PCBP3: variants seen among roughly 807,000 people sequenced by gnomAD.
PCBP3 encodes poly(rC) binding protein 3, also known as poly(rC)-binding protein 3.
A neutral mutation model predicts 52.7 loss-of-function variants in PCBP3; 25 were observed. That is an observed-to-expected ratio of 0.47 (90% CI 0.35 to 0.66). The LOEUF (loss-of-function observed/expected upper bound fraction) is 0.66, where lower values mean the gene tolerates loss of function less well. PCBP3 is among the 30% of genes least tolerant of loss of function. The pLI, the probability that PCBP3 is intolerant of heterozygous loss-of-function variation, is 0.01. For missense variants in PCBP3, 391 were observed against 490.3 expected, an observed-to-expected ratio of 0.80 and a Z score of 1.91; for synonymous variants, 162 against 183.0, an observed-to-expected ratio of 0.89 and a Z score of 0.93.
At chr21:45,661,056 A>T (rs1401977921) in intron 1 of PCBP3, among the ~76,000 whole-genome samples, 1 of 152,046 alleles carries the variant, frequency 6.6e-6, no homozygotes, top group African/African-American at 2.4e-5. Flanking sequence ...AAATATATAT[A>T]TATATCTTGT....
chr21:45,684,055 C>CAAAAAAAAAA (rs71334088), intron 2 of PCBP3, among the ~76,000 whole-genome samples: 1 of 78,474 alleles, frequency 1.3e-5, no homozygotes, highest in Non-Finnish European at 2.6e-5. Context: ...CCCATCTCTA[C>CAAAAAAAAAA]AAAAAAAAAA....
At chr21:45,669,530 C>G (rs2081011200) in intron 2 of PCBP3, among the ~76,000 whole-genome samples, 1 of 151,818 alleles carries the variant, frequency 6.6e-6, no homozygotes, top group Non-Finnish European at 1.5e-5. Context: ...CCATCCATCT[C>G]CAATACTCTT....
intron 2 of PCBP3, among the ~76,000 whole-genome samples, chr21:45,706,849 T>G (rs2083480670): frequency 6.6e-6 from 1 of 152,188 alleles, no homozygotes; most frequent in Non-Finnish European, 1.5e-5. Flanking sequence ...GGGACTGACA[T>G]CTAGGAATTA....
intron 9 of PCBP3, among the ~76,000 whole-genome samples, chr21:45,906,535 G>C (rs903177001): frequency 5.3e-5 from 8 of 152,076 alleles, no homozygotes; most frequent in African/African-American, 7.2e-5. Flanking sequence ...GAGAATTTCG[G>C]GTCATGTTTT....
At chr21:45,721,889 CTT>C in intron 2 of PCBP3, among the ~76,000 whole-genome samples, 1 of 152,172 alleles carries the variant, frequency 6.6e-6, no homozygotes, top group East Asian at 1.9e-4. Context: ...ACTGGAGTCA[CTT>C]TGCGTGTCTC....
chr21:45,647,396 G>A (rs541380446), intron 1 of PCBP3, among the ~76,000 whole-genome samples: 6 of 152,316 alleles, frequency 3.9e-5, no homozygotes, highest in Non-Finnish European at 7.3e-5. Flanking sequence ...TCGGATTGAG[G>A]AAGGAACATG....
At chr21:45,726,214 T>A (rs1019546072) in intron 2 of PCBP3, among the ~76,000 whole-genome samples, 2 of 152,056 alleles carry the variant, frequency 1.3e-5, no homozygotes, top group Non-Finnish European at 2.9e-5. Flanking sequence ...AAGGATTTGG[T>A]CTTGGACTTC....
intron 12 of PCBP3, chr21:45,914,367 C>G (rs924676735): frequency 2.0e-6 from 1 of 492,510 alleles, no homozygotes. Flanking sequence ...TTACGTCTCA[C>G]GTTGGAAACA....
At chr21:45,862,752 C>G (rs542231247) in intron 5 of PCBP3, among the ~76,000 whole-genome samples, 4 of 152,314 alleles carry the variant, frequency 2.6e-5, no homozygotes, top group African/African-American at 7.2e-5. Flanking sequence ...AGCCTGTCCC[C>G]GACGAAACCG....
chr21:45,906,990 C>T (rs535247435), intron 9 of PCBP3, among the ~76,000 whole-genome samples: 3 of 152,334 alleles, frequency 2.0e-5, no homozygotes, highest in Admixed American at 2.0e-4. Flanking sequence ...CCGCAGTGGC[C>T]ACCAGGAGGA....
In PCBP3 at chr21:45,788,948, G is replaced by T. The variant is rs1482500066; in HGVS notation, c.-126+33496G>T. 6.6e-6 allele frequency among the ~76,000 whole-genome samples: 1 copy of T among 152,190 alleles called. No individual in the cohort carries two copies. The highest frequency in any genetic ancestry group is 1.5e-5 in the Non-Finnish European group (1 of 68,026). On this transcript the variant is annotated intron_variant, in intron 4 of 17. Transcript: ENST00000681687. This position sits in a 1 kb window ranked among gnomAD's most constrained non-coding sequence, Gnocchi z 4.3. ...GCAATAATTCTAAATGAGGCTGGAA[G>T]AATTGAATTGCTGTCCAGATCCAAC...
intron 1 of PCBP3, among the ~76,000 whole-genome samples, chr21:45,667,263 C>G (rs896588163): frequency 6.6e-6 from 1 of 151,976 alleles, no homozygotes; most frequent in African/African-American, 2.4e-5. Context: ...CCACCTCAGC[C>G]TCCCAAAATG....
At chr21:45,702,676 G>A (rs894783846) in intron 2 of PCBP3, among the ~76,000 whole-genome samples, 5 of 152,188 alleles carry the variant, frequency 3.3e-5, no homozygotes, top group Admixed American at 2.0e-4. Context: ...GTTAATGGCC[G>A]CTGACTGATC....
rs376751077 is a variant in PCBP3 at position 45,659,784 on chromosome 21, A to G, written c.-278-9090A>G. On this transcript the variant is annotated intron_variant, in intron 1 of 17. Coordinates refer to ENST00000681687, the MANE Select transcript of PCBP3 (RefSeq NM_001384156.1). ...AAATTTTTATCTGTTACTGATTTCT[A>G]TTTTTTTCCCTTGTGGTTGGGGAAC... Among the ~76,000 whole-genome samples, 11 of 151,840 alleles carry G rather than the reference A, an allele frequency of 7.2e-5. No individual in the cohort carries two copies. The East Asian group carries it at 1.9e-3, about 27-fold the overall frequency.
chr21:45,738,300 G>A (rs2086045270), intron 3 of PCBP3, among the ~76,000 whole-genome samples: 1 of 150,490 alleles, frequency 6.6e-6, no homozygotes, highest in African/African-American at 2.5e-5. Flanking sequence ...TGTCGCCCAG[G>A]CTGGAGTGCA....
At chr21:45,900,650 C>A in intron 8 of PCBP3, 27 bp downstream of exon 8, 1 of 1,468,030 alleles carries the variant, frequency 6.8e-7, no homozygotes, top group Non-Finnish European at 9.5e-7. Flanking sequence ...CCCACCTGTC[C>A]GCAGCCATTC....
intron 4 of PCBP3, among the ~76,000 whole-genome samples, chr21:45,787,143 A>C (rs1243095651): frequency 2.0e-5 from 3 of 152,258 alleles, no homozygotes; most frequent in Admixed American, 2.0e-4. Context: ...AAATGCTTGA[A>C]AATAGTTTCG....
chr21:45,812,475 G>A (rs1050301378), intron 4 of PCBP3, among the ~76,000 whole-genome samples: 5 of 152,038 alleles, frequency 3.3e-5, no homozygotes, highest in Admixed American at 6.6e-5. Flanking sequence ...GTGCCATCTC[G>A]GCTCACTGTA....
chr21:45,681,329 T>C (rs571033948), intron 2 of PCBP3, among the ~76,000 whole-genome samples: 1 of 152,332 alleles, frequency 6.6e-6, no homozygotes, highest in Non-Finnish European at 1.5e-5. Flanking sequence ...TTTTTCTTCT[T>C]TAGCCTGTAA....
Sources: allele counts gnomAD v4.1 joint callset (sites outside exome capture counted in the v4.1 genomes callset), GRCh38; gene constraint gnomAD v4.1.1; non-coding constraint Gnocchi (gnomAD v3.1); transcripts MANE v1.5; gene names NCBI Gene and HGNC (gene_info 2026-07-23, HGNC 2026-07-21).